Variants in CELF4 observed in about 807,000 individuals in gnomAD.
The protein encoded by CELF4 is CUGBP Elav-like family member 4.
CELF4 carries 18 observed loss-of-function variants against 59.9 expected under a neutral mutation model. The ratio of observed to expected loss-of-function variants is 0.30; its 90% CI spans 0.21 to 0.45. The LOEUF is 0.45. CELF4 is among the 20% of genes least tolerant of loss of function. The pLI is 1.00. For missense variants in CELF4, 456 were observed against 689.0 expected (o/e 0.66, Z 3.79); for synonymous variants, 261 against 267.1 (o/e 0.98, Z 0.22).
chr18:37,454,828 G>A (rs1045170835), intron 2 of CELF4, among the ~76,000 whole-genome samples: 3 of 152,192 alleles, frequency 2.0e-5, no homozygotes, highest in Admixed American at 6.5e-5. Context: ...TGTTTTCACT[G>A]TACCAGGCAC....
At chr18:37,508,753 T>C (rs978109439) in intron 1 of CELF4, among the ~76,000 whole-genome samples, 1 of 152,208 alleles carries the variant, frequency 6.6e-6, no homozygotes, top group Non-Finnish European at 1.5e-5. Context: ...TCTCCTTAGC[T>C]AACCATTCCT....
intron 12 of CELF4, among the ~76,000 whole-genome samples, chr18:37,249,404 C>T (rs980881878): frequency 2.0e-5 from 3 of 152,198 alleles, no homozygotes; most frequent in African/African-American, 7.2e-5. Context: ...TCCCACTCTG[C>T]CTGCTCCTCT....
At chr18:37,430,112 C>G (rs1223082726) in intron 2 of CELF4, among the ~76,000 whole-genome samples, 1 of 152,174 alleles carries the variant, frequency 6.6e-6, no homozygotes, top group Non-Finnish European at 1.5e-5. Flanking sequence ...GGAGGTAGAC[C>G]TTGGCTCTGT....
intron 7 of CELF4, among the ~76,000 whole-genome samples, chr18:37,271,577 C>T (rs1050145867): frequency 6.6e-6 from 1 of 152,164 alleles, no homozygotes; most frequent in African/African-American, 2.4e-5. Context: ...TTTTTCAGTG[C>T]TCTTACTCTC....
chr18:37,405,363 A>C (rs1444962802), intron 2 of CELF4, among the ~76,000 whole-genome samples: 1 of 151,872 alleles, frequency 6.6e-6, no homozygotes, highest in Non-Finnish European at 1.5e-5. Context: ...AGATCTCTGC[A>C]CCCAAGGTGT....
intron 2 of CELF4, among the ~76,000 whole-genome samples, chr18:37,335,864 C>G (rs1457746760): frequency 6.6e-6 from 1 of 152,142 alleles, no homozygotes; most frequent in East Asian, 1.9e-4. Context: ...TGGTCATTCT[C>G]CCTGGCATGG....
chr18:37,345,811 G>T (rs566890906), intron 2 of CELF4, among the ~76,000 whole-genome samples: 1 of 152,152 alleles, frequency 6.6e-6, no homozygotes, highest in East Asian at 1.9e-4. Context: ...CTGAGGCTGA[G>T]GTCTCTCCAG....
At chr18:37,321,918 C>G (rs1020894215) in intron 2 of CELF4, 37 bp from the exon 3 acceptor site, 1 of 1,565,902 alleles carries the variant, frequency 6.4e-7, no homozygotes, top group South Asian at 1.1e-5. Context: ...TTATAGCAGG[C>G]CTGCGGGTGA....
intron 2 of CELF4, among the ~76,000 whole-genome samples, chr18:37,361,158 G>A (rs578145633): frequency 1.3e-5 from 2 of 152,160 alleles, no homozygotes; most frequent in Admixed American, 6.5e-5. Context: ...GGTACTTTAG[G>A]GTTTCCACAA....
intron 3 of CELF4, among the ~76,000 whole-genome samples, chr18:37,276,842 G>A (rs946227070): frequency 2.0e-5 from 3 of 152,226 alleles, no homozygotes; most frequent in African/African-American, 7.2e-5. Flanking sequence ...GATGTTTGTG[G>A]ATGATTACAT....
At chr18:37,381,410 T>A (rs1002130841) in intron 2 of CELF4, among the ~76,000 whole-genome samples, 1 of 152,186 alleles carries the variant, frequency 6.6e-6, no homozygotes, top group Non-Finnish European at 1.5e-5. Context: ...CCCCTGGCTC[T>A]GAGTTCTGAA....
chr18:37,335,992 C>G (rs543282493), intron 2 of CELF4, among the ~76,000 whole-genome samples: 1 of 152,314 alleles, frequency 6.6e-6, no homozygotes, highest in South Asian at 2.1e-4. Context: ...GACTCCAACT[C>G]TATTCCAGCC....
intron 2 of CELF4, among the ~76,000 whole-genome samples, chr18:37,366,492 G>A (rs1349082473): frequency 3.3e-5 from 5 of 152,192 alleles, no homozygotes; most frequent in African/African-American, 7.2e-5. Flanking sequence ...CAGGGGAGGT[G>A]CAGGGGCTGC....
intron 3 of CELF4, among the ~76,000 whole-genome samples, chr18:37,293,536 C>T (rs2095470606): frequency 6.6e-6 from 1 of 152,126 alleles, no homozygotes; most frequent in African/African-American, 2.4e-5. Context: ...TGCAAATACC[C>T]TATTTCCAAA....
intron 2 of CELF4, among the ~76,000 whole-genome samples, chr18:37,324,801 A>G (rs370603351): frequency 2.0e-5 from 3 of 152,140 alleles, no homozygotes; most frequent in African/African-American, 7.2e-5. Flanking sequence ...GATCATCACA[A>G]CTTCTCCTGT....
At chr18:37,318,590 A>C (rs1018784114) in intron 3 of CELF4, among the ~76,000 whole-genome samples, 6 of 150,534 alleles carry the variant, frequency 4.0e-5, no homozygotes, top group Admixed American at 6.6e-5. Flanking sequence ...TTGAATATGC[A>C]ATTAATAGAA....
At chr18:37,512,629 TG>T (rs1171846294) in intron 1 of CELF4, among the ~76,000 whole-genome samples, 3 of 151,510 alleles carry the variant, frequency 2.0e-5, no homozygotes, top group African/African-American at 4.8e-5. Context: ...TCCTCCTCTT[TG>T]TCCTCTTCTT....
intron 2 of CELF4, among the ~76,000 whole-genome samples, chr18:37,409,457 C>T (rs2099416226): frequency 6.6e-6 from 1 of 152,224 alleles, no homozygotes; most frequent in South Asian, 2.1e-4. Context: ...TGTTTTGGGA[C>T]ACCCCTTGCT....
chr18:37,460,625 G>A (rs1327003130), intron 2 of CELF4, among the ~76,000 whole-genome samples: 3 of 152,254 alleles, frequency 2.0e-5, no homozygotes, highest in Admixed American at 2.0e-4. Context: ...CCCAAGGTAA[G>A]CACTGCTGCT....
Sources: allele counts gnomAD v4.1 joint callset (sites outside exome capture counted in the v4.1 genomes callset), GRCh38; gene constraint gnomAD v4.1.1; transcripts MANE v1.5; gene names NCBI Gene and HGNC (gene_info 2026-07-23, HGNC 2026-07-21).